CSMD1: variants seen among roughly 807,000 people sequenced by gnomAD.
The protein encoded by CSMD1 is CUB and Sushi multiple domains 1.
In CSMD1, 213 loss-of-function variants were observed where a neutral mutation model predicts 417.5. The ratio of observed to expected loss-of-function variants is 0.51; its 90% confidence interval spans 0.46 to 0.57. CSMD1 has a LOEUF of 0.57. Ranked by LOEUF, CSMD1 falls within the 20% of genes least tolerant of loss-of-function variation. The pLI is 0.00. For synonymous variants in CSMD1, 2,862 were observed against 1,736.8 expected, an observed-to-expected ratio of 1.65 and a Z score of -16.11; for missense variants, 6,923 against 4,529.7, an observed-to-expected ratio of 1.53 and a Z score of -15.17.
chr8:4,712,948 G>A (rs539395114), intron 1 of CSMD1, among the ~76,000 whole-genome samples: 1 of 152,242 alleles, frequency 6.6e-6, no homozygotes, highest in East Asian at 1.9e-4. Flanking sequence ...ATTAGAAAAA[G>A]GAAAATTTTC....
At chr8:4,224,647 G>T (rs1425120530) in intron 3 of CSMD1, among the ~76,000 whole-genome samples, 1 of 152,214 alleles carries the variant, frequency 6.6e-6, no homozygotes, top group Non-Finnish European at 1.5e-5. Context: ...AGTGAAGAGG[G>T]AGATAAGTGG....
intron 1 of CSMD1, among the ~76,000 whole-genome samples, chr8:4,806,607 C>G (rs749758397): frequency 2.0e-5 from 3 of 152,202 alleles, no homozygotes; most frequent in Admixed American, 2.0e-4. Flanking sequence ...AATTAACTTT[C>G]TCTTCTCATC....
intron 3 of CSMD1, among the ~76,000 whole-genome samples, chr8:4,059,337 G>A (rs890590934): frequency 7.1e-6 from 1 of 140,558 alleles, no homozygotes; most frequent in Non-Finnish European, 1.6e-5. Context: ...ACAAGAGAAA[G>A]TAGGAAAGAT....
intron 3 of CSMD1, among the ~76,000 whole-genome samples, chr8:4,292,328 C>T (rs1343369077): frequency 6.6e-6 from 1 of 152,170 alleles, no homozygotes; most frequent in South Asian, 2.1e-4. Context: ...CCTGGGCTCA[C>T]TGCAACCTCT....
intron 1 of CSMD1, among the ~76,000 whole-genome samples, chr8:4,802,572 A>G (rs191360287): frequency 1.8e-4 from 28 of 152,302 alleles, no homozygotes; most frequent in African/African-American, 6.3e-4. Flanking sequence ...GTTTATGAAG[A>G]GATCACAATG....
chr8:4,763,727 T>C (rs1812269160), intron 1 of CSMD1, among the ~76,000 whole-genome samples: 1 of 152,222 alleles, frequency 6.6e-6, no homozygotes, highest in Admixed American at 6.5e-5. Context: ...ATATGCAATG[T>C]ACTGGTTCTG....
intron 3 of CSMD1, among the ~76,000 whole-genome samples, chr8:4,369,774 C>T (rs67901868): frequency 0.31 from 46,708 of 151,972 alleles, 7,184 homozygotes; most frequent in East Asian, 0.4. Context: ...TGTTCATTTT[C>T]TGTTTGCCTG....
In CSMD1 at chr8:3,110,145, G is replaced by C; in HGVS notation, c.6608+13C>G. Reference sequence around the variant, plus strand: ...CACAATTACAGATATTTTGACTTGAGAGGTTCTCATACCAAACAGCAATGT... The same window carrying C: ...CACAATTACAGATATTTTGACTTGACAGGTTCTCATACCAAACAGCAATGT... On this transcript the variant is annotated intron_variant, in intron 43 of 69. Transcript: ENST00000635120. The C allele has an allele frequency of 6.3e-7, 1 of 1,584,888 alleles. No homozygotes were observed. Among genetic ancestry groups the C allele is most frequent in the Non-Finnish European group, 8.6e-7 (1 of 1,163,364 alleles).
Position 4,374,145 on chromosome 8 carries a change from A to AC in CSMD1, c.415+45807dup, listed in dbSNP as rs372553709. 7.4e-3 allele frequency among the ~76,000 whole-genome samples: 1,128 copies of AC among 152,268 alleles called. 11 individuals carry two copies. Among genetic ancestry groups the AC allele is most frequent in the African/African-American group, 0.026 (1,075 of 41,542 alleles). On this transcript the variant is annotated intron_variant, in intron 3 of 69. Coordinates refer to ENST00000635120, the MANE Select transcript of CSMD1 (RefSeq NM_033225.6). ...TTATTGACCCATCAGCTGGATAAGT[A>AC]CGTCCTTACCCTCCCCTTTTAGATC... is the stretch of plus-strand genomic sequence containing the variant.
chr8:3,572,415 C>G (rs958838588), intron 10 of CSMD1, among the ~76,000 whole-genome samples: 4 of 152,142 alleles, frequency 2.6e-5, no homozygotes, highest in South Asian at 4.1e-4. Context: ...AGGCAGCAGA[C>G]GCAGGGAGCT....
intron 2 of CSMD1, among the ~76,000 whole-genome samples, chr8:4,600,951 A>G (rs552147961): frequency 1.7e-4 from 22 of 130,228 alleles, no homozygotes; most frequent in Admixed American, 4.7e-4. Flanking sequence ...TTCCCTCTTA[A>G]TTAGATTTTT....
chr8:4,590,420 G>T (rs1280640821), intron 2 of CSMD1, among the ~76,000 whole-genome samples: 1 of 152,040 alleles, frequency 6.6e-6, no homozygotes, highest in African/African-American at 2.4e-5. Flanking sequence ...TTAATTTTAT[G>T]TTATTCATCC....
intron 3 of CSMD1, among the ~76,000 whole-genome samples, chr8:4,318,853 C>T (rs1010693296): frequency 1.4e-4 from 22 of 152,118 alleles, no homozygotes; most frequent in African/African-American, 4.8e-4. Flanking sequence ...AAGCATCTTA[C>T]AAGATAGATA....
chr8:3,914,524 C>G (rs1456638894), intron 5 of CSMD1, among the ~76,000 whole-genome samples: 2 of 152,092 alleles, frequency 1.3e-5, no homozygotes, highest in South Asian at 2.1e-4. Flanking sequence ...ATTTTTGTAG[C>G]TCCTAACTAA....
chr8:3,881,044 A>G (rs934258721), intron 5 of CSMD1, among the ~76,000 whole-genome samples: 12 of 152,128 alleles, frequency 7.9e-5, no homozygotes, highest in Admixed American at 5.2e-4. Context: ...AGCCTCAACT[A>G]TCTATGAGTG....
At chr8:3,193,554 G>A (rs1293453873) in intron 33 of CSMD1, among the ~76,000 whole-genome samples, 3 of 152,064 alleles carry the variant, frequency 2.0e-5, no homozygotes, top group Non-Finnish European at 2.9e-5. Context: ...CATTTCAGAC[G>A]GCATCCGAGA....
chr8:4,828,240 T>C (rs947216285), intron 1 of CSMD1, among the ~76,000 whole-genome samples: 3 of 152,190 alleles, frequency 2.0e-5, no homozygotes, highest in Admixed American at 6.5e-5. Flanking sequence ...GCCAATATTA[T>C]ATGAAAAGAT....
At chr8:2,939,892 G>T (rs991716073) in intron 69 of CSMD1, among the ~76,000 whole-genome samples, 1 of 152,144 alleles carries the variant, frequency 6.6e-6, no homozygotes. Context: ...TCACTCAATC[G>T]TCCAGATCAC....
At chr8:4,152,466 G>A (rs1796618142) in intron 3 of CSMD1, among the ~76,000 whole-genome samples, 1 of 151,266 alleles carries the variant, frequency 6.6e-6, no homozygotes, top group South Asian at 2.1e-4. Flanking sequence ...CTTGAGCCCA[G>A]CAGTTTGGGC....
Sources: allele counts gnomAD v4.1 joint callset (sites outside exome capture counted in the v4.1 genomes callset), GRCh38; gene constraint gnomAD v4.1.1; transcripts MANE v1.5; gene names NCBI Gene and HGNC (gene_info 2026-07-23, HGNC 2026-07-21).